The following NRXN3 variants were observed in gnomAD, a reference collection of about 807,000 sequenced individuals.
The protein encoded by NRXN3 is neurexin 3.
NRXN3 carries 32 observed loss-of-function variants against 137.6 expected under a neutral mutation model. The observed-to-expected ratio is 0.23, with a 90% CI of 0.18 to 0.31. The LOEUF is 0.31. NRXN3 is among the 10% of genes least tolerant of loss of function. NRXN3 has a pLI of 1.00. For missense variants in NRXN3, 1,574 were observed against 2,062.5 expected (o/e 0.76, Z 4.59); for synonymous variants, 798 against 784.5 (o/e 1.02, Z -0.29).
chr14:79,569,780 T>C (rs927865521), intron 16 of NRXN3, among the ~76,000 whole-genome samples: 2 of 152,108 alleles, frequency 1.3e-5, no homozygotes, highest in African/African-American at 4.8e-5. Flanking sequence ...GGCTAATTTT[T>C]GTATTTTTTG....
chr14:79,533,179 C>A (rs1356674656), intron 16 of NRXN3, among the ~76,000 whole-genome samples: 1 of 151,412 alleles, frequency 6.6e-6, no homozygotes, highest in East Asian at 1.9e-4. Flanking sequence ...GTTTTTATAC[C>A]CATTTTACAG....
chr14:78,692,712 T>G (rs2098183445), intron 6 of NRXN3, among the ~76,000 whole-genome samples: 1 of 152,200 alleles, frequency 6.6e-6, no homozygotes, highest in Non-Finnish European at 1.5e-5. Context: ...TCAGCCTCAG[T>G]TTTCTCATCT....
At chr14:78,681,791 C>A (rs1362855080) in intron 6 of NRXN3, among the ~76,000 whole-genome samples, 1 of 152,172 alleles carries the variant, frequency 6.6e-6, no homozygotes, top group Non-Finnish European at 1.5e-5. Flanking sequence ...TGAGAAGCCA[C>A]TCTGGGGAAA....
At chr14:79,271,965 G>A (rs2079400237) in intron 15 of NRXN3, among the ~76,000 whole-genome samples, 1 of 152,144 alleles carries the variant, frequency 6.6e-6, no homozygotes, top group Admixed American at 6.5e-5. Flanking sequence ...AAAGTTTAAG[G>A]TAACTTGTTC....
chr14:79,361,811 T>C lies in NRXN3; in HGVS notation c.3263-105410T>C, dbSNP rs148453119. 3.8e-3 allele frequency among the ~76,000 whole-genome samples: 571 copies of C among 152,194 alleles called. 1 individual carries two copies. Among genetic ancestry groups the C allele is most frequent in the African/African-American group, 0.011 (477 of 41,542 alleles). ...AATGACCAGATATAAGGGAACAATG[T>C]GTTTTTACTTGGATTGTAGATATCA... On this transcript the variant is annotated intron_variant, in intron 15 of 20. Coordinates refer to ENST00000335750, the MANE Select transcript of NRXN3 (RefSeq NM_001330195.2).
chr14:78,995,921 A>G (rs1157683459), intron 15 of NRXN3, among the ~76,000 whole-genome samples: 1 of 152,180 alleles, frequency 6.6e-6, no homozygotes, highest in Non-Finnish European at 1.5e-5. Flanking sequence ...TATCTTTTCT[A>G]TGGAACATCT....
intron 6 of NRXN3, among the ~76,000 whole-genome samples, chr14:78,658,580 T>A (rs2097804032): frequency 6.6e-6 from 1 of 152,168 alleles, no homozygotes; most frequent in South Asian, 2.1e-4. Context: ...TGATACTGGG[T>A]TCAGTTCTAA....
At chr14:78,330,922 T>C (rs981105800) in intron 4 of NRXN3, among the ~76,000 whole-genome samples, 2 of 152,338 alleles carry the variant, frequency 1.3e-5, no homozygotes, top group South Asian at 2.1e-4. Context: ...CTGTTGCCCC[T>C]TATTAAATAA....
intron 15 of NRXN3, among the ~76,000 whole-genome samples, chr14:79,097,808 G>A (rs2050615409): frequency 6.6e-6 from 1 of 152,156 alleles, no homozygotes; most frequent in Non-Finnish European, 1.5e-5. Context: ...CCACAGTGCT[G>A]ATACATAGGA....
chr14:78,928,304 A>AT (rs144201690), intron 10 of NRXN3, among the ~76,000 whole-genome samples: 7,201 of 150,310 alleles, frequency 0.048, 377 homozygotes, highest in African/African-American at 0.12. Context: ...ACTTACAGGG[A>AT]TTTTTTTTTT....
intron 6 of NRXN3, among the ~76,000 whole-genome samples, chr14:78,699,696 C>T (rs998233335): frequency 6.6e-6 from 1 of 152,174 alleles, no homozygotes; most frequent in Non-Finnish European, 1.5e-5. Flanking sequence ...TCAGGTACCA[C>T]CTATTCACCT....
chr14:78,995,775 G>A (rs2099528768), intron 15 of NRXN3, among the ~76,000 whole-genome samples: 1 of 152,168 alleles, frequency 6.6e-6, no homozygotes, highest in South Asian at 2.1e-4. Flanking sequence ...AAACAAGATG[G>A]TAACAGTGTA....
At chr14:79,440,994 C>A (rs371578366) in intron 15 of NRXN3, among the ~76,000 whole-genome samples, 1 of 152,116 alleles carries the variant, frequency 6.6e-6, no homozygotes, top group African/African-American at 2.4e-5. Flanking sequence ...GAATTGAAGT[C>A]GAAGAAATGC....
chr14:78,510,223 A>G (rs2096076734), intron 4 of NRXN3, among the ~76,000 whole-genome samples: 1 of 151,620 alleles, frequency 6.6e-6, no homozygotes, highest in Non-Finnish European at 1.5e-5. Flanking sequence ...TCATGAATTT[A>G]CTATAAAAAT....
At chr14:78,172,870 C>G (rs213561) in intron 1 of NRXN3, among the ~76,000 whole-genome samples, 28,944 of 152,002 alleles carry the variant, frequency 0.19, 3,442 homozygotes, top group African/African-American at 0.32. Context: ...GTCTTTGCTT[C>G]TCTGGTAGTT....
At chr14:79,395,133 A>G (rs932883849) in intron 15 of NRXN3, among the ~76,000 whole-genome samples, 3 of 152,178 alleles carry the variant, frequency 2.0e-5, no homozygotes, top group African/African-American at 7.2e-5. Context: ...GCATTGTGCT[A>G]ATTGCTGTGG....
At chr14:79,303,024 C>A (rs996902952) in intron 15 of NRXN3, among the ~76,000 whole-genome samples, 1 of 151,824 alleles carries the variant, frequency 6.6e-6, no homozygotes, top group African/African-American at 2.4e-5. Context: ...ACATCCAAAC[C>A]GTATCAACAG....
At chr14:78,434,497 C>G (rs1356423979) in intron 4 of NRXN3, among the ~76,000 whole-genome samples, 4 of 152,172 alleles carry the variant, frequency 2.6e-5, no homozygotes, top group Non-Finnish European at 4.4e-5. Flanking sequence ...TCCTGAGATA[C>G]TGGGGTTTAG....
At chr14:78,912,418 AGCTT>A (rs2099241515) in intron 10 of NRXN3, among the ~76,000 whole-genome samples, 1 of 151,924 alleles carries the variant, frequency 6.6e-6, no homozygotes, top group Non-Finnish European at 1.5e-5. Context: ...AACACAGTAT[AGCTT>A]GAGACTATAT....
Sources: allele counts gnomAD v4.1 joint callset (sites outside exome capture counted in the v4.1 genomes callset), GRCh38; gene constraint gnomAD v4.1.1; transcripts MANE v1.5; gene names NCBI Gene and HGNC (gene_info 2026-07-23, HGNC 2026-07-21).